AGBL4: variants seen among roughly 807,000 people sequenced by gnomAD.
The protein encoded by AGBL4 is cytosolic carboxypeptidase 6.
AGBL4 carries 58 observed loss-of-function variants against 66.4 expected under a neutral mutation model. The ratio of observed to expected loss-of-function variants is 0.87; its 90% CI spans 0.71 to 1.09. The LOEUF is 1.09. AGBL4 is among the 50% of genes least tolerant of loss of function. The pLI is 0.00. For missense variants in AGBL4, 579 were observed against 631.0 expected, an observed-to-expected ratio of 0.92 and a Z score of 0.88; for synonymous variants, 234 against 222.9, an observed-to-expected ratio of 1.05 and a Z score of -0.44.
chr1:48,895,920 C>T (rs949291498), intron 5 of AGBL4, among the ~76,000 whole-genome samples: 1 of 152,184 alleles, frequency 6.6e-6, no homozygotes, highest in African/African-American at 2.4e-5. Context: ...TACCAAAAGT[C>T]TAGAGTTCTA....
chr1:49,172,935 G>A (rs946404960), intron 4 of AGBL4, among the ~76,000 whole-genome samples: 7 of 152,044 alleles, frequency 4.6e-5, no homozygotes, highest in African/African-American at 2.4e-5. Context: ...AGACCAGCCT[G>A]ACCAAAAATC....
At chr1:49,605,366 T>C (rs1645044911) in intron 3 of AGBL4, among the ~76,000 whole-genome samples, 2 of 152,128 alleles carry the variant, frequency 1.3e-5, no homozygotes, top group South Asian at 2.1e-4. Flanking sequence ...ATCTCTGCTG[T>C]GACAGTTTCC....
intron 6 of AGBL4, among the ~76,000 whole-genome samples, chr1:48,667,749 G>T (rs1646211652): frequency 1.3e-5 from 2 of 152,136 alleles, no homozygotes; most frequent in Admixed American, 1.3e-4. Context: ...CATAATCTCG[G>T]AGCCAAGATG....
At chr1:49,915,080 C>T (rs1651261339) in intron 1 of AGBL4, among the ~76,000 whole-genome samples, 1 of 152,150 alleles carries the variant, frequency 6.6e-6, no homozygotes, top group Admixed American at 6.5e-5. Flanking sequence ...CTACTTAGGA[C>T]AATTTTAAGT....
chr1:49,396,417 T>C (rs902492297), intron 3 of AGBL4, among the ~76,000 whole-genome samples: 1 of 152,138 alleles, frequency 6.6e-6, no homozygotes, highest in Non-Finnish European at 1.5e-5. Context: ...CATATGCATA[T>C]ATGTTTGGAA....
intron 1 of AGBL4, among the ~76,000 whole-genome samples, chr1:49,909,062 TG>T (rs570381686): frequency 1.6e-4 from 25 of 152,308 alleles, no homozygotes; most frequent in Admixed American, 5.9e-4. Flanking sequence ...ATCTCAGGTA[TG>T]CCACTACCAA....
At chr1:49,232,683 AGC>A (rs1469001219) in intron 4 of AGBL4, among the ~76,000 whole-genome samples, 1 of 151,630 alleles carries the variant, frequency 6.6e-6, no homozygotes, top group African/African-American at 2.4e-5. Context: ...TGGGTGACAG[AGC>A]GAGACTCTGT....
At position 48,668,003 on chromosome 1, in the gene AGBL4, TTTGTTG is replaced by T. The variant is rs35572126; in HGVS notation, c.635-4768_635-4763del. Among the ~76,000 whole-genome samples, 496 of 150,210 alleles carry T rather than the reference TTTGTTG, an allele frequency of 3.3e-3. 4 individuals are homozygous for T. Among genetic ancestry groups the T allele is most frequent in the African/African-American group, 0.01 (430 of 40,982 alleles). On this transcript the variant is annotated intron_variant, in intron 6 of 13. Transcript: ENST00000371839. ...GTGGAATGTTATAATGGGGGAAGCA[TTTGTTG>T]TTGTTGTTGTTGTTGTTGTTGTTGT...
At chr1:50,019,306 T>TCTCTCTCTCTCACACACACACACA (rs1167835143) in intron 1 of AGBL4, among the ~76,000 whole-genome samples, 1 of 48,432 alleles carries the variant, frequency 2.1e-5, no homozygotes, top group Admixed American at 3.5e-4. Flanking sequence ...TCTCTCTCTC[T>TCTCTCTCTCTCACACACACACACA]CACACACACA....
chr1:50,019,339 AAC>A (rs1219315970), intron 1 of AGBL4, among the ~76,000 whole-genome samples: 1 of 54,152 alleles, frequency 1.8e-5, no homozygotes. Flanking sequence ...CACACACATA[AAC>A]ACACACAGAC....
intron 1 of AGBL4, among the ~76,000 whole-genome samples, chr1:49,925,565 G>A (rs1319547216): frequency 6.6e-6 from 1 of 152,182 alleles, no homozygotes; most frequent in African/African-American, 2.4e-5. Context: ...CAGGGCATCA[G>A]GTGGACTCGT....
At chr1:48,618,055 C>G (rs1276956134) in intron 9 of AGBL4, among the ~76,000 whole-genome samples, 2 of 152,094 alleles carry the variant, frequency 1.3e-5, no homozygotes, top group Admixed American at 6.6e-5. Context: ...AACTTTAGGT[C>G]TTAGTTTCCC....
intron 6 of AGBL4, among the ~76,000 whole-genome samples, chr1:48,738,978 A>AT (rs1262035567): frequency 6.6e-6 from 1 of 152,218 alleles, no homozygotes; most frequent in Non-Finnish European, 1.5e-5. Flanking sequence ...CAATCAGTCA[A>AT]TTTTGGAATC....
intron 3 of AGBL4, among the ~76,000 whole-genome samples, chr1:49,317,151 T>A (rs972412660): frequency 3.3e-5 from 5 of 151,924 alleles, no homozygotes; most frequent in Non-Finnish European, 7.4e-5. Flanking sequence ...ATTTTTAAAT[T>A]GGGTTATGAG....
At chr1:48,810,167 G>A (rs1646016475) in intron 6 of AGBL4, among the ~76,000 whole-genome samples, 1 of 152,158 alleles carries the variant, frequency 6.6e-6, no homozygotes, top group Admixed American at 6.6e-5. Flanking sequence ...TCCTGACCTT[G>A]AGGCTGGCTC....
intron 5 of AGBL4, among the ~76,000 whole-genome samples, chr1:48,906,379 C>T (rs1312795278): frequency 6.6e-6 from 1 of 152,072 alleles, no homozygotes; most frequent in Non-Finnish European, 1.5e-5. Flanking sequence ...AGACAGAGTC[C>T]CTGCCTTTAG....
rs556191292 is a variant in AGBL4 at position 49,540,978 on chromosome 1, C to T, written c.282+156335G>A. 4.9e-4 allele frequency among the ~76,000 whole-genome samples: 74 copies of T among 152,152 alleles called. 1 individual carries two copies. The highest frequency in any genetic ancestry group is 1.6e-3 in the African/African-American group (66 of 41,514). On this transcript the variant is annotated intron_variant, in intron 3 of 13. Transcript: ENST00000371839. ...ACAGAAGAAATAGGCTTGGAGAAAT[C>T]ACCAAGAAAATTATTCTACCTGTCT...
chr1:48,834,934 CGGCT>C (rs1427789886), intron 6 of AGBL4, among the ~76,000 whole-genome samples: 2 of 152,098 alleles, frequency 1.3e-5, no homozygotes, highest in Admixed American at 1.3e-4. Context: ...GTGCTGGTGG[CGGCT>C]GGCTTTCTTT....
intron 3 of AGBL4, among the ~76,000 whole-genome samples, chr1:49,604,060 T>C (rs1645019538): frequency 6.6e-6 from 1 of 152,154 alleles, no homozygotes; most frequent in South Asian, 2.1e-4. Flanking sequence ...ATGTTTTTGA[T>C]ATAGTGACTT....
Sources: gnomAD v4.1 joint callset for allele counts (sites outside exome capture counted in the v4.1 genomes callset) on GRCh38, gnomAD v4.1.1 for gene constraint, MANE v1.5 for transcripts, NCBI Gene and HGNC (gene_info 2026-07-23, HGNC 2026-07-21) for gene names.